The following GRM1 variants were observed in gnomAD, a reference collection of about 807,000 sequenced individuals.
GRM1 encodes glutamate metabotropic receptor 1, also known as metabotropic glutamate receptor 1.
GRM1 carries 33 observed loss-of-function variants against 90.9 expected under a neutral mutation model. The observed-to-expected ratio is 0.36, with a 90% CI of 0.28 to 0.49. GRM1 has a LOEUF of 0.49. GRM1 is among the 20% of genes least tolerant of loss of function. The pLI is 0.99. For missense variants in GRM1, 1,190 were observed against 1,534.3 expected (o/e 0.78, Z 3.75); for synonymous variants, 700 against 613.2 (o/e 1.14, Z -2.09).
intron 1 of GRM1, among the ~76,000 whole-genome samples, chr6:146,068,405 G>A (rs548300614): frequency 1.3e-5 from 2 of 152,224 alleles, no homozygotes; most frequent in South Asian, 2.1e-4. Context: ...GAGCCACCGC[G>A]CCCGGCCTCA....
At chr6:146,087,441 TGTG>T (rs1167770795) in intron 1 of GRM1, among the ~76,000 whole-genome samples, 1 of 151,978 alleles carries the variant, frequency 6.6e-6, no homozygotes, top group Non-Finnish European at 1.5e-5. Context: ...TACGTGCACT[TGTG>T]TGTGTGTGTC....
chr6:146,317,969 C>A (rs1338694241), intron 3 of GRM1, among the ~76,000 whole-genome samples: 1 of 152,100 alleles, frequency 6.6e-6, no homozygotes, highest in Non-Finnish European at 1.5e-5. Context: ...CATAAGAGGG[C>A]AAATCTTATG....
chr6:146,312,612 G>C (rs1783816567), intron 3 of GRM1, among the ~76,000 whole-genome samples: 1 of 152,160 alleles, frequency 6.6e-6, no homozygotes, highest in Non-Finnish European at 1.5e-5. Context: ...ATATTGGACA[G>C]CATAGATGCA....
At chr6:146,213,233 AGAG>A (rs1779739999) in intron 2 of GRM1, among the ~76,000 whole-genome samples, 1 of 152,170 alleles carries the variant, frequency 6.6e-6, no homozygotes, top group Non-Finnish European at 1.5e-5. Context: ...ATGGATTATG[AGAG>A]AGGTTGTATC....
At chr6:146,208,059 CT>C (rs1779554781) in intron 2 of GRM1, among the ~76,000 whole-genome samples, 1 of 152,100 alleles carries the variant, frequency 6.6e-6, no homozygotes, top group Non-Finnish European at 1.5e-5. Context: ...TCTGACTTCT[CT>C]TTTTTTCTTA....
chr6:146,324,742 C>G (rs75520669), intron 3 of GRM1, among the ~76,000 whole-genome samples: 1 of 152,146 alleles, frequency 6.6e-6, no homozygotes, highest in Non-Finnish European at 1.5e-5. Context: ...ACTCACCCCC[C>G]GTGGGCTGCA....
intron 2 of GRM1, among the ~76,000 whole-genome samples, chr6:146,195,636 C>T (rs1779089520): frequency 6.6e-6 from 1 of 152,200 alleles, no homozygotes; most frequent in Non-Finnish European, 1.5e-5. Flanking sequence ...ACTAAATTCT[C>T]TAATACAAAT....
intron 1 of GRM1, among the ~76,000 whole-genome samples, chr6:146,131,389 A>C (rs1025294237): frequency 1.3e-5 from 2 of 152,210 alleles, no homozygotes. Context: ...CTGGGTTTCA[A>C]TGTGATCTTG....
rs372590505 is a variant in GRM1, at chr6:146,159,641, T to TCTCTCACACACA, written c.950+45_950+46insTCTCACACACAC. 2.8e-3 allele frequency: 2,011 copies of TCTCTCACACACA among 726,774 alleles called. 9 individuals are homozygous for TCTCTCACACACA. Among genetic ancestry groups the TCTCTCACACACA allele is most frequent in the African/African-American group, 0.013 (773 of 59,080 alleles). 45.0% of individuals were successfully genotyped at this position (726,774 alleles called of 1,614,324 possible). ...CTCTCTCTCTCTCTCTCTCTCTCTCTCACACACACACATGCACACACACAC... is the reference window on the plus strand; with the variant it reads ...CTCTCTCTCTCTCTCTCTCTCTCTCTCTCTCACACACACACACACACACATGCACACACACAC... On this transcript the variant is annotated intron_variant, in intron 2 of 7. Transcript: ENST00000282753.
chr6:146,165,028 A>ACAACT, intron 2 of GRM1, among the ~76,000 whole-genome samples: 1 of 151,722 alleles, frequency 6.6e-6, no homozygotes, highest in Non-Finnish European at 1.5e-5. Flanking sequence ...CTTCTCACTC[A>ACAACT]TTAGGCCAAC....
At chr6:146,345,546 C>T (rs1785155005) in intron 3 of GRM1, among the ~76,000 whole-genome samples, 1 of 152,134 alleles carries the variant, frequency 6.6e-6, no homozygotes, top group Non-Finnish European at 1.5e-5. Context: ...ATTAGCTCAG[C>T]CTAAATCACT....
intron 2 of GRM1, among the ~76,000 whole-genome samples, chr6:146,238,309 G>C (rs973496388): frequency 2.6e-5 from 4 of 152,088 alleles, no homozygotes; most frequent in African/African-American, 7.2e-5. Context: ...TTTTTAAGTG[G>C]ACAGTTGTTT....
chr6:146,354,613 C>T (rs117585499), intron 4 of GRM1, among the ~76,000 whole-genome samples: 1 of 152,152 alleles, frequency 6.6e-6, no homozygotes, highest in East Asian at 1.9e-4. Context: ...TGGCATAATC[C>T]GTTTTCAATT....
At chr6:146,088,689 C>G (rs576015407) in intron 1 of GRM1, among the ~76,000 whole-genome samples, 2 of 152,186 alleles carry the variant, frequency 1.3e-5, no homozygotes, top group South Asian at 2.1e-4. Flanking sequence ...TAAGAAATTA[C>G]TAATCAAGAT....
chr6:146,267,761 T>TCTCGTCTCGTC (rs1562568908), intron 2 of GRM1, among the ~76,000 whole-genome samples: 1 of 142,252 alleles, frequency 7.0e-6, no homozygotes, highest in Non-Finnish European at 1.5e-5. Context: ...GTCTCGTCTC[T>TCTCGTCTCGTC]TCATGTTTTT....
intron 2 of GRM1, among the ~76,000 whole-genome samples, chr6:146,260,126 A>G (rs1781635025): frequency 6.6e-6 from 1 of 152,116 alleles, no homozygotes; most frequent in South Asian, 2.1e-4. Context: ...CATCATCTGC[A>G]TTAGATATTA....
chr6:146,088,246 G>A (rs1221231576), intron 1 of GRM1, among the ~76,000 whole-genome samples: 1 of 152,076 alleles, frequency 6.6e-6, no homozygotes, highest in Non-Finnish European at 1.5e-5. Flanking sequence ...TCAGTGTAAT[G>A]TGACAATATA....
At chr6:146,193,207 C>T (rs1354836360) in intron 2 of GRM1, among the ~76,000 whole-genome samples, 2 of 152,034 alleles carry the variant, frequency 1.3e-5, no homozygotes, top group East Asian at 3.9e-4. Context: ...GTTAGATATA[C>T]AAGTCTAAAT....
chr6:146,232,931 T>G (rs533244955), intron 2 of GRM1, among the ~76,000 whole-genome samples: 1 of 152,104 alleles, frequency 6.6e-6, no homozygotes, highest in East Asian at 1.9e-4. Flanking sequence ...TAGCATTCCT[T>G]ATTAAACTTT....
Sources: allele counts gnomAD v4.1 joint callset (sites outside exome capture counted in the v4.1 genomes callset), GRCh38; gene constraint gnomAD v4.1.1; transcripts MANE v1.5; gene names NCBI Gene and HGNC (gene_info 2026-07-23, HGNC 2026-07-21).